The following CAMKMT variants were observed in gnomAD, a reference collection of about 807,000 sequenced individuals.
The protein encoded by CAMKMT is calmodulin-lysine N-methyltransferase.
Under a neutral mutation model 48.0 loss-of-function variants are expected in CAMKMT, and 53 were observed. The observed-to-expected ratio is 1.10, with a 90% confidence interval of 0.89 to 1.39. The LOEUF is 1.39. Among genes scored for constraint, CAMKMT ranks in the 40% most tolerant of loss-of-function variants. CAMKMT has a pLI of 0.00. For missense variants in CAMKMT, 428 were observed against 402.7 expected (o/e 1.06, Z -0.54); for synonymous variants, 165 against 152.3 (o/e 1.08, Z -0.61).
intron 3 of CAMKMT, among the ~76,000 whole-genome samples, chr2:44,502,503 TC>T (rs1670055457): frequency 6.6e-6 from 1 of 152,224 alleles, no homozygotes; most frequent in South Asian, 2.1e-4. Context: ...TAGAAATTAA[TC>T]TGATGCACTA....
intron 3 of CAMKMT, among the ~76,000 whole-genome samples, chr2:44,619,458 T>TGC (rs1216169725): frequency 2.0e-5 from 2 of 100,210 alleles, no homozygotes; most frequent in Non-Finnish European, 4.8e-5. Flanking sequence ...TAGCTGATTA[T>TGC]GTGTGTATAT....
At chr2:44,717,911 G>A (rs545706794) in intron 7 of CAMKMT, among the ~76,000 whole-genome samples, 11 of 150,786 alleles carry the variant, frequency 7.3e-5, no homozygotes, top group Admixed American at 5.3e-4. Context: ...CCACTACTCC[G>A]ATGATGTTCT....
intron 3 of CAMKMT, among the ~76,000 whole-genome samples, chr2:44,528,677 CTT>C (rs1666304419): frequency 6.6e-6 from 1 of 152,124 alleles, no homozygotes; most frequent in African/African-American, 2.4e-5. Context: ...GCATTTGTCT[CTT>C]TCAATCTATA....
At chr2:44,547,302 G>A (rs1667461471) in intron 3 of CAMKMT, among the ~76,000 whole-genome samples, 1 of 152,184 alleles carries the variant, frequency 6.6e-6, no homozygotes, top group African/African-American at 2.4e-5. Context: ...TGGAAAGACA[G>A]TACCTCAGCA....
chr2:44,370,881 G>A (rs1011630893), intron 1 of CAMKMT, among the ~76,000 whole-genome samples: 2 of 152,140 alleles, frequency 1.3e-5, no homozygotes, highest in Non-Finnish European at 2.9e-5. Context: ...CTTCATCATT[G>A]CTCACTACAA....
chr2:44,597,972 T>C (rs779167083), intron 3 of CAMKMT, among the ~76,000 whole-genome samples: 39 of 152,142 alleles, frequency 2.6e-4, no homozygotes, highest in Admixed American at 5.2e-4. Flanking sequence ...CCTGACCTTT[T>C]GATCCACCTG....
At chr2:44,563,873 C>G (rs1456147859) in intron 3 of CAMKMT, among the ~76,000 whole-genome samples, 1 of 152,120 alleles carries the variant, frequency 6.6e-6, no homozygotes, top group Non-Finnish European at 1.5e-5. Flanking sequence ...TCCAGTCTGT[C>G]ATTGATGGAC....
intron 3 of CAMKMT, among the ~76,000 whole-genome samples, chr2:44,607,823 T>G (rs946196656): frequency 6.6e-6 from 1 of 152,104 alleles, no homozygotes; most frequent in Non-Finnish European, 1.5e-5. Flanking sequence ...CTCATTACTT[T>G]ATTTTTAAAA....
chr2:44,444,524 C>G (rs1666865505), intron 3 of CAMKMT, among the ~76,000 whole-genome samples: 1 of 152,252 alleles, frequency 6.6e-6, no homozygotes, highest in East Asian at 1.9e-4. Context: ...TTCACACATG[C>G]TTTTTGTCTA....
intron 3 of CAMKMT, among the ~76,000 whole-genome samples, chr2:44,461,037 C>T (rs1308184671): frequency 6.6e-6 from 1 of 152,086 alleles, no homozygotes; most frequent in African/African-American, 2.4e-5. Flanking sequence ...GTGACAGATT[C>T]TTAAGTAGAG....
intron 3 of CAMKMT, among the ~76,000 whole-genome samples, chr2:44,590,741 GA>G (rs2103815156): frequency 6.6e-6 from 1 of 152,158 alleles, no homozygotes; most frequent in South Asian, 2.1e-4. Context: ...TTGCTGTGCA[GA>G]AGCTCTTTAG....
chr2:44,620,432 G>C (rs1271014623), intron 3 of CAMKMT, among the ~76,000 whole-genome samples: 1 of 152,008 alleles, frequency 6.6e-6, no homozygotes, highest in East Asian at 1.9e-4. Context: ...GGTTTTCTCT[G>C]TGCCTGGGCT....
At chr2:44,395,002 G>A (rs1302362476) in intron 3 of CAMKMT, 3 of 445,892 alleles carry the variant, frequency 6.7e-6, no homozygotes, top group Non-Finnish European at 1.3e-5. Context: ...GTAAAAAAAA[G>A]ACAATCAAAT....
chr2:44,709,054 A>G (rs1677728233), intron 6 of CAMKMT, among the ~76,000 whole-genome samples: 2 of 152,212 alleles, frequency 1.3e-5, no homozygotes, highest in African/African-American at 4.8e-5. Context: ...AAGGGAAGCA[A>G]TGCTAATGTC....
intron 3 of CAMKMT, among the ~76,000 whole-genome samples, chr2:44,567,614 C>CTGGAAGCAAAAGACTGCTAT (rs1464129534): frequency 1.3e-5 from 2 of 151,908 alleles, no homozygotes; most frequent in African/African-American, 4.8e-5. Context: ...AGCTTGTTTT[C>CTGGAAGCAAAAGACTGCTAT]TGGAAGCAAA....
rs185346955 is a variant in CAMKMT, at chr2:44,647,936, C to T, written c.377-56347C>T. Among the ~76,000 whole-genome samples, 880 of 128,588 alleles carry T rather than the reference C, an allele frequency of 6.8e-3. 3 individuals are homozygous for T. Among genetic ancestry groups the T allele is most frequent in the Middle Eastern group, 0.034 (8 of 234 alleles). The allele number at this position is 128,588 out of a possible 152,430, so 84.4% of individuals were successfully genotyped here. On this transcript the variant is annotated intron_variant, in intron 3 of 10. Coordinates refer to ENST00000378494, the MANE Select transcript of CAMKMT (RefSeq NM_024766.5). ...AAAAAAAAAAAAAAAAAAAAAGAAA[C>T]TATGAACAGCAATGATTGCCTGTAT...
chr2:44,438,551 A>AC (rs1666427598), intron 3 of CAMKMT, among the ~76,000 whole-genome samples: 1 of 152,216 alleles, frequency 6.6e-6, no homozygotes, highest in Non-Finnish European at 1.5e-5. Context: ...AGTTTAGGAA[A>AC]CACTAGTCTG....
chr2:44,379,189 T>G (rs78449710), intron 2 of CAMKMT, among the ~76,000 whole-genome samples: 2,447 of 152,340 alleles, frequency 0.016, 36 homozygotes, highest in Non-Finnish European at 0.026. Flanking sequence ...TATGTCTGTC[T>G]TCTTTCACTG....
chr2:44,714,671 CAGAG>C (rs370946949), intron 6 of CAMKMT, among the ~76,000 whole-genome samples: 1 of 152,194 alleles, frequency 6.6e-6, no homozygotes. Flanking sequence ...TCCCTGCTGA[CAGAG>C]AGGCTTGCCT....
Sources: gnomAD v4.1 joint callset for allele counts (sites outside exome capture counted in the v4.1 genomes callset) on GRCh38, gnomAD v4.1.1 for gene constraint, MANE v1.5 for transcripts, NCBI Gene and HGNC (gene_info 2026-07-23, HGNC 2026-07-21) for gene names.